The following DIXDC1 variants were observed in gnomAD, a reference collection of about 807,000 sequenced individuals.
DIXDC1 encodes the protein DIX domain containing 1.
In DIXDC1, 64 loss-of-function variants were observed where a neutral mutation model predicts 103.1. That is an observed-to-expected ratio of 0.62 (90% confidence interval 0.51 to 0.76). The LOEUF is 0.76. Ranked by LOEUF, DIXDC1 falls within the 30% of genes least tolerant of loss-of-function variation. DIXDC1 has a pLI of 0.00. For missense variants in DIXDC1, 759 were observed against 834.2 expected, an observed-to-expected ratio of 0.91 and a Z score of 1.11; for synonymous variants, 266 against 298.5, an observed-to-expected ratio of 0.89 and a Z score of 1.12.
intron 1 of DIXDC1, among the ~76,000 whole-genome samples, chr11:111,952,041 T>G (rs1439670731): frequency 1.3e-5 from 2 of 152,118 alleles, no homozygotes; most frequent in East Asian, 1.9e-4. Context: ...AATTTTTGTA[T>G]TTTTAGTACA....
At position 111,993,486 on chromosome 11, in the gene DIXDC1, T is replaced by G. The variant is rs372703679; in HGVS notation, c.1273-10T>G. 9 of 1,613,968 alleles carry G rather than the reference T, an allele frequency of 5.6e-6. No individual in the cohort carries two copies. The highest frequency in any genetic ancestry group is 7.6e-6 in the Non-Finnish European group (9 of 1,179,872). On this transcript the variant is annotated splice_polypyrimidine_tract_variant and intron_variant, in intron 12 of 19. Transcript: ENST00000440460. ...TTGCCGCTCATCTTAAAGCTCTATC[T>G]TTATTGCAGAAAGAGCTGGGGCAGA... is the stretch of plus-strand genomic sequence containing the variant.
At chr11:111,948,451 G>C (rs1318716714) in intron 1 of DIXDC1, among the ~76,000 whole-genome samples, 5 of 152,040 alleles carry the variant, frequency 3.3e-5, no homozygotes, top group Admixed American at 6.6e-5. Flanking sequence ...CCTTTGCCCT[G>C]GTGGTCACTG....
intron 17 of DIXDC1, among the ~76,000 whole-genome samples, chr11:112,005,626 A>G (rs1234844670): frequency 6.6e-6 from 1 of 152,124 alleles, no homozygotes; most frequent in Admixed American, 6.6e-5. Context: ...TGAGTCTGGG[A>G]GTTGGAGGCT....
intron 1 of DIXDC1, among the ~76,000 whole-genome samples, chr11:111,950,217 A>C (rs1966732955): frequency 6.6e-6 from 1 of 151,678 alleles, no homozygotes; most frequent in Admixed American, 6.6e-5. Flanking sequence ...TTGACAGTTT[A>C]GTATGAGTCA....
intron 15 of DIXDC1, 79 bp downstream of exon 15, chr11:111,995,187 G>A: frequency 6.8e-7 from 1 of 1,461,464 alleles, no homozygotes; most frequent in Non-Finnish European, 9.5e-7. Context: ...GCCAGTGGAT[G>A]AGGCCTTTTA....
chr11:111,953,509 G>A (rs782248855), intron 1 of DIXDC1, among the ~76,000 whole-genome samples: 7 of 152,104 alleles, frequency 4.6e-5, no homozygotes, highest in Non-Finnish European at 8.8e-5. Context: ...ATGGTGGCAC[G>A]TGCCTGTAAT....
Position 111,996,163 on chromosome 11 carries a change from G to C in DIXDC1, c.1756+17G>C. 6.2e-7 allele frequency: 1 copy of C among 1,610,104 alleles called. No homozygotes were observed. Among genetic ancestry groups the C allele is most frequent in the Non-Finnish European group, 8.5e-7 (1 of 1,177,636 alleles). On this transcript the variant is annotated intron_variant, in intron 17 of 19. Transcript: ENST00000440460. ...CTAACTCAAGTAAGTACCCATTTTT[G>C]CTCAGTAGGGACTCCTAGCATATTA... is the stretch of plus-strand genomic sequence containing the variant.
intron 1 of DIXDC1, among the ~76,000 whole-genome samples, chr11:111,941,564 C>T (rs1566459037): frequency 6.6e-6 from 1 of 151,952 alleles, no homozygotes; most frequent in African/African-American, 2.4e-5. Context: ...ACCTATAATC[C>T]CAGCACTTTG....
intron 1 of DIXDC1, chr11:111,929,795 A>G: frequency 1.4e-6 from 2 of 1,429,318 alleles, no homozygotes; most frequent in Non-Finnish European, 1.9e-6. Context: ...TATTTTGTAC[A>G]TTTCTTATTC....
chr11:111,992,424 C>T lies in DIXDC1; in HGVS notation c.1123C>T (p.Gln375Ter). The change falls in exon 11 of 20, where the codon CAG becomes TAG. Residue 375 changes from glutamine (Q) to a stop codon, truncating the protein, a stop_gained. Coordinates refer to ENST00000440460, the MANE Select transcript of DIXDC1 (RefSeq NM_001037954.4). LOFTEE classifies it high-confidence loss of function. ...RNLQGIKDAL[Q>*]QRLTQQDTSV... ...ATGCTTTTTCCCCTAGGATGCCTTGCAGCAGAGATTGACTCAGCAGGACAC... is the reference window on the plus strand; with the variant it reads ...ATGCTTTTTCCCCTAGGATGCCTTGTAGCAGAGATTGACTCAGCAGGACAC... 6.3e-7 allele frequency: 1 copy of T among 1,577,934 alleles called. No individual in the cohort carries two copies. Among genetic ancestry groups the T allele is most frequent in the Non-Finnish European group, 8.6e-7 (1 of 1,161,034 alleles).
rs782493729 is a variant in DIXDC1 at position 112,017,828 on chromosome 11, A to G, written c.1914A>G (p.Gly638=). The G allele has an allele frequency of 1.2e-6, 2 of 1,612,046 alleles. No homozygotes were observed. Among genetic ancestry groups the G allele is most frequent in the Non-Finnish European group, 1.7e-6 (2 of 1,178,916 alleles). The change falls in exon 19 of 20, where the codon GGA becomes GGG. Residue 638 remains glycine (G), a synonymous_variant. Transcript: ENST00000440460. The surrounding 1 kb of genome is among the most constrained non-coding windows in gnomAD (Gnocchi z 4.0). ...KDFKAAIDRE[G]NHRYHFKALD... ...TTAAAGCAGCTATTGATCGGGAAGG[A>G]AATCACCGGTATCACTTCAAAGCAC...
chr11:111,945,683 A>G (rs1392397769), intron 1 of DIXDC1: 2 of 152,140 alleles, frequency 1.3e-5, no homozygotes, highest in South Asian at 2.1e-4. Flanking sequence ...GGTGTGTTCA[A>G]TACTTTTTCT....
rs764500895 is a variant in DIXDC1 at position 112,019,053 on chromosome 11, G to A, written c.*17G>A. The stretch of plus-strand genomic sequence containing the variant: ...GAGAATTAATGCCAAGTATCAGATT[G>A]AGGGCTTATGGAACCTGGTCACTCC... On this transcript the variant is annotated 3_prime_UTR_variant, in exon 20 of 20. Coordinates refer to ENST00000440460, the MANE Select transcript of DIXDC1 (RefSeq NM_001037954.4). 4.7e-5 allele frequency: 76 copies of A among 1,606,428 alleles called. No individual in the cohort carries two copies. Among genetic ancestry groups the A allele is most frequent in the Non-Finnish European group, 6.1e-5 (72 of 1,174,054 alleles).
intron 6 of DIXDC1, among the ~76,000 whole-genome samples, 190 bp downstream of exon 6, chr11:111,981,039 A>C (rs1163878117): frequency 6.6e-6 from 1 of 151,686 alleles, no homozygotes; most frequent in Non-Finnish European, 1.5e-5. Context: ...GCCATTTCTG[A>C]TATCCTAGCT....
chr11:111,974,550 C>T (rs986650382), intron 4 of DIXDC1, among the ~76,000 whole-genome samples: 2 of 152,108 alleles, frequency 1.3e-5, no homozygotes, highest in Admixed American at 6.5e-5. Flanking sequence ...CTGGGAGGTC[C>T]GTGGGAGCAG....
intron 1 of DIXDC1, among the ~76,000 whole-genome samples, chr11:111,939,298 G>C (rs1328307327): frequency 6.6e-6 from 1 of 152,132 alleles, no homozygotes; most frequent in Non-Finnish European, 1.5e-5. Context: ...TTCATGCTTT[G>C]GTGCTTCCAT....
Position 112,019,628 on chromosome 11 carries a change from A to C in DIXDC1, c.*592A>C, listed in dbSNP as rs1253862525. On this transcript the variant is annotated 3_prime_UTR_variant, in exon 20 of 20. Coordinates refer to ENST00000440460, the MANE Select transcript of DIXDC1 (RefSeq NM_001037954.4). ...TGCTTGGATGGAAAAAGGGCTGCCC[A>C]TGTTGTGCTACACTATGCTAAAACT... is the stretch of plus-strand genomic sequence containing the variant. 6.5e-6 allele frequency: 1 copy of C among 152,778 alleles called. No homozygotes were observed. The highest frequency in any genetic ancestry group is 1.9e-4 in the East Asian group (1 of 5,202). 9.5% of individuals were successfully genotyped at this position (152,778 alleles called of 1,614,324 possible).
intron 1 of DIXDC1, among the ~76,000 whole-genome samples, chr11:111,949,975 T>C (rs587689417): frequency 6.6e-6 from 1 of 152,322 alleles, no homozygotes; most frequent in African/African-American, 2.4e-5. Context: ...CCGTTATTTA[T>C]GTGCCTGTAA....
intron 17 of DIXDC1, among the ~76,000 whole-genome samples, chr11:112,004,689 A>G (rs1179227676): frequency 6.6e-6 from 1 of 152,236 alleles, no homozygotes; most frequent in African/African-American, 2.4e-5. Context: ...AGGCACAGGC[A>G]TATGAGGAAA....
Sources: gnomAD v4.1 joint callset for allele counts (sites outside exome capture counted in the v4.1 genomes callset) on GRCh38, gnomAD v4.1.1 for gene constraint, Gnocchi (gnomAD v3.1) non-coding constraint, MANE v1.5 for transcripts, NCBI Gene and HGNC (gene_info 2026-07-23, HGNC 2026-07-21) for gene names.